The following CYRIB variants were observed in gnomAD, a reference collection of about 807,000 sequenced individuals.
CYRIB encodes CYFIP-related Rac1 interactor B.
A neutral mutation model predicts 44.2 loss-of-function variants in CYRIB; 8 were observed. That is an observed-to-expected ratio of 0.18 (90% CI 0.11 to 0.33). The LOEUF is 0.33. Among genes scored for constraint, CYRIB ranks in the 10% least tolerant of loss-of-function variants. The pLI, the probability that CYRIB is intolerant of heterozygous loss-of-function variation, is 1.00. For synonymous variants in CYRIB, 131 were observed against 127.2 expected (o/e 1.03, Z -0.20); for missense variants, 185 against 382.8 (o/e 0.48, Z 4.31).
intron 1 of CYRIB, among the ~76,000 whole-genome samples, chr8:130,010,834 C>T (rs1293419815): frequency 6.6e-6 from 1 of 152,132 alleles, no homozygotes; most frequent in East Asian, 1.9e-4. Context: ...GATCTCCTGG[C>T]CCACTGCACT....
intron 1 of CYRIB, among the ~76,000 whole-genome samples, chr8:129,920,945 A>G (rs2083252611): frequency 1.3e-5 from 2 of 152,200 alleles, no homozygotes; most frequent in African/African-American, 4.8e-5. Flanking sequence ...GCTTCCTTGA[A>G]TTAACAGAAA....
intron 1 of CYRIB, among the ~76,000 whole-genome samples, chr8:129,976,544 C>T (rs990840209): frequency 6.6e-6 from 1 of 152,122 alleles, no homozygotes; most frequent in African/African-American, 2.4e-5. Flanking sequence ...TGGGAAAAAA[C>T]TAAATGCAGT....
intron 1 of CYRIB, among the ~76,000 whole-genome samples, chr8:129,917,052 A>C (rs2081129225): frequency 6.6e-6 from 1 of 152,240 alleles, no homozygotes; most frequent in Non-Finnish European, 1.5e-5. Flanking sequence ...ATGCATGTTT[A>C]CTGCTTAGGA....
chr8:130,001,642 C>T (rs1252852076), intron 1 of CYRIB, among the ~76,000 whole-genome samples: 1 of 151,098 alleles, frequency 6.6e-6, no homozygotes, highest in Non-Finnish European at 1.5e-5. Context: ...AATTCTCCTG[C>T]CTCAGCCTCA....
intron 1 of CYRIB, among the ~76,000 whole-genome samples, chr8:129,929,976 G>A (rs867015061): frequency 6.6e-6 from 1 of 152,096 alleles, no homozygotes; most frequent in Non-Finnish European, 1.5e-5. Flanking sequence ...ACTTTGGGAG[G>A]CTAAGGCAGG....
chr8:129,960,262 T>TCC (rs746217120), intron 2 of CYRIB, among the ~76,000 whole-genome samples: 13 of 152,164 alleles, frequency 8.5e-5, no homozygotes, highest in Non-Finnish European at 1.8e-4. Flanking sequence ...ACACAGGCCC[T>TCC]CCTTAAGTAC....
At chr8:129,994,151 T>C (rs1398332710) in intron 1 of CYRIB, among the ~76,000 whole-genome samples, 1 of 152,094 alleles carries the variant, frequency 6.6e-6, no homozygotes. Flanking sequence ...TGGGGCCTAA[T>C]AAGGTGATAA....
At chr8:129,939,658 G>A (rs1420509169) in exon 1 of CYRIB, 1 of 152,296 alleles carries the variant, frequency 6.6e-6, no homozygotes, top group Admixed American at 6.5e-5. Context: ...CGCCCTCCTG[G>A]AGCCGCAGAG....
chr8:129,842,026 G>T (rs2036571459), exon 12 of CYRIB: 2 of 718,104 alleles, frequency 2.8e-6, no homozygotes, highest in Non-Finnish European at 2.3e-6. Flanking sequence ...GAGGAACAGA[G>T]GAAAGAAATA....
At chr8:129,998,300 A>T (rs2096828961) in intron 1 of CYRIB, among the ~76,000 whole-genome samples, 1 of 152,064 alleles carries the variant, frequency 6.6e-6, no homozygotes, top group Non-Finnish European at 1.5e-5. Flanking sequence ...GTACCTGGGT[A>T]CAGAGGAGGA....
At chr8:130,015,017 A>C (rs2097309299) in intron 1 of CYRIB, among the ~76,000 whole-genome samples, 1 of 152,198 alleles carries the variant, frequency 6.6e-6, no homozygotes, top group Non-Finnish European at 1.5e-5. Context: ...TTTTTCCCCC[A>C]GTGCAATCTT....
chr8:129,970,310 G>T (rs901044175), intron 2 of CYRIB, among the ~76,000 whole-genome samples: 4 of 152,150 alleles, frequency 2.6e-5, no homozygotes, highest in African/African-American at 9.7e-5. Context: ...AGTAGAAAAG[G>T]GAAGTGCACT....
At chr8:129,967,266 T>C (rs1382414148) in intron 2 of CYRIB, among the ~76,000 whole-genome samples, 1 of 152,248 alleles carries the variant, frequency 6.6e-6, no homozygotes, top group Non-Finnish European at 1.5e-5. Flanking sequence ...AAACTGGTCA[T>C]GGTGGAAGTA....
intron 1 of CYRIB, among the ~76,000 whole-genome samples, chr8:129,928,434 T>C (rs2089325131): frequency 6.6e-6 from 1 of 151,168 alleles, no homozygotes; most frequent in Non-Finnish European, 1.5e-5. Context: ...TATAAAGAAC[T>C]CTTACAACTC....
At chr8:129,907,148 C>T (rs568765173) in intron 1 of CYRIB, among the ~76,000 whole-genome samples, 1 of 152,206 alleles carries the variant, frequency 6.6e-6, no homozygotes, top group African/African-American at 2.4e-5. Flanking sequence ...GACACATGCA[C>T]ACGTATGTTT....
intron 1 of CYRIB, 104 bp from the exon 4 acceptor site, chr8:129,903,454 C>T (rs893693610): frequency 6.6e-6 from 1 of 152,284 alleles, no homozygotes; most frequent in East Asian, 1.9e-4. Flanking sequence ...CCATCATGCA[C>T]GTGCACATTT....
At chr8:129,959,059 C>CAAAAAAA (rs60576774) in intron 2 of CYRIB, among the ~76,000 whole-genome samples, 3 of 68,356 alleles carry the variant, frequency 4.4e-5, no homozygotes, top group Non-Finnish European at 6.1e-5. Flanking sequence ...GACTCTGTCT[C>CAAAAAAA]AAAAAAAAAA....
At chr8:129,872,798 A>G (rs759806432) in intron 3 of CYRIB, among the ~76,000 whole-genome samples, 21 of 152,066 alleles carry the variant, frequency 1.4e-4, no homozygotes, top group Non-Finnish European at 2.5e-4. Context: ...GGTTTTTGGT[A>G]AATCTTTGTC....
chr8:129,870,623 C>T (rs16904166), intron 4 of CYRIB, among the ~76,000 whole-genome samples: 33,283 of 152,016 alleles, frequency 0.22, 4,636 homozygotes, highest in East Asian at 0.52. Context: ...CCCTGATGAC[C>T]TCTGCACTCT....
Sources: allele counts gnomAD v4.1 joint callset (sites outside exome capture counted in the v4.1 genomes callset), GRCh38; gene constraint gnomAD v4.1.1; transcripts MANE v1.5; gene names NCBI Gene and HGNC (gene_info 2026-07-23, HGNC 2026-07-21).